Variants in EXT2 observed in about 807,000 individuals in gnomAD.
EXT2 encodes exostosin-2.
In EXT2, 53 loss-of-function variants were observed where a neutral mutation model predicts 81.6. The ratio of observed to expected loss-of-function variants is 0.65; its 90% CI spans 0.52 to 0.82. EXT2 has a LOEUF of 0.82. Ranked by LOEUF, EXT2 falls within the 40% of genes least tolerant of loss-of-function variation. EXT2 has a pLI of 0.00. For missense variants in EXT2, 774 were observed against 910.2 expected, an observed-to-expected ratio of 0.85 and a Z score of 1.93; for synonymous variants, 320 against 340.0, an observed-to-expected ratio of 0.94 and a Z score of 0.65.
intron 7 of EXT2, among the ~76,000 whole-genome samples, chr11:44,152,527 T>C (rs7939191): frequency 0.57 from 86,987 of 151,976 alleles, 25,393 homozygotes; most frequent in Middle Eastern, 0.72. Flanking sequence ...ATCTTTGTAT[T>C]TTTAGTAGAG....
chr11:44,192,409 G>A (rs968472876), intron 8 of EXT2, among the ~76,000 whole-genome samples: 1 of 152,046 alleles, frequency 6.6e-6, no homozygotes, highest in Non-Finnish European at 1.5e-5. Flanking sequence ...GTTTTGAGAG[G>A]AAGGAAAGTG....
intron 10 of EXT2, among the ~76,000 whole-genome samples, chr11:44,223,909 C>T (rs1223033512): frequency 6.6e-6 from 1 of 152,128 alleles, no homozygotes; most frequent in African/African-American, 2.4e-5. Context: ...CCTCGGCCTT[C>T]CAAAGTGCTA....
At position 44,099,176 on chromosome 11, in the gene EXT2, G is replaced by GT. The variant is rs988551348; in HGVS notation, c.-31+3333dup. Among the ~76,000 whole-genome samples, 37 of 150,762 alleles carry GT rather than the reference G, an allele frequency of 2.5e-4. No homozygotes were observed. In the South Asian group the frequency reaches 3.4e-3, roughly 14 times the overall value. ...ACCACCACACCTGGCTAATTTTTGGGTTTTTTTTTGTTTGTTTGTTCGTTT... is the reference window on the plus strand; with the variant it reads ...ACCACCACACCTGGCTAATTTTTGGGTTTTTTTTTTGTTTGTTTGTTCGTTT... On this transcript the variant is annotated intron_variant, in intron 1 of 13. Transcript: ENST00000533608.
intron 10 of EXT2, among the ~76,000 whole-genome samples, chr11:44,221,803 C>T (rs1226228334): frequency 1.3e-5 from 2 of 152,168 alleles, no homozygotes; most frequent in Non-Finnish European, 2.9e-5. Flanking sequence ...TATGAAGCTG[C>T]ACCCATTCAT....
rs12362775 is a variant in EXT2, at chr11:44,095,894, A to G, written c.-31+42A>G. The G allele has an allele frequency of 0.73, 170,620 of 235,268 alleles. 62,257 individuals are homozygous for G. Among genetic ancestry groups the G allele is most frequent in the East Asian group, 0.9 (6,931 of 7,674 alleles). The allele number at this position is 235,268 out of a possible 1,614,324, so 14.6% of individuals were successfully genotyped here. A position where few individuals can be genotyped will look rare whatever the true frequency, so the allele number is the denominator to read the frequency against. ...AGGGCGGCGGCCGGGCGGGCGCTGAAGCGAGGGCTCGGGCCTCCGGGGGCC... is the reference window on the plus strand; with the variant it reads ...AGGGCGGCGGCCGGGCGGGCGCTGAGGCGAGGGCTCGGGCCTCCGGGGGCC... On this transcript the variant is annotated intron_variant, in intron 1 of 13. Coordinates refer to ENST00000533608, the MANE Select transcript of EXT2 (RefSeq NM_207122.2).
intron 5 of EXT2, 61 bp from the exon 6 acceptor site, chr11:44,126,755 A>C: frequency 6.2e-7 from 1 of 1,610,644 alleles, no homozygotes; most frequent in Non-Finnish European, 8.5e-7. Flanking sequence ...GTCTGTAGGG[A>C]TCAAAGTTAG....
At chr11:44,100,480 A>G (rs1369581216) in intron 1 of EXT2, among the ~76,000 whole-genome samples, 1 of 152,230 alleles carries the variant, frequency 6.6e-6, no homozygotes, top group Non-Finnish European at 1.5e-5. Context: ...AGCATTGGCT[A>G]GTATGGTAGC....
chr11:44,205,504 G>A (rs1955571731), intron 9 of EXT2, among the ~76,000 whole-genome samples: 1 of 152,194 alleles, frequency 6.6e-6, no homozygotes, highest in Non-Finnish European at 1.5e-5. Flanking sequence ...ACTTTTTGGA[G>A]CTGACCATTC....
At chr11:44,209,385 ACTG>A (rs1263926743) in intron 10 of EXT2, among the ~76,000 whole-genome samples, 2 of 152,152 alleles carry the variant, frequency 1.3e-5, no homozygotes, top group Non-Finnish European at 2.9e-5. Flanking sequence ...CATTATGACT[ACTG>A]CTATTTTCAT....
intron 7 of EXT2, among the ~76,000 whole-genome samples, chr11:44,131,616 A>G (rs183845928): frequency 6.6e-6 from 1 of 152,340 alleles, no homozygotes; most frequent in Non-Finnish European, 1.5e-5. Context: ...GATTTCATCT[A>G]AGTTTTAGTG....
intron 10 of EXT2, among the ~76,000 whole-genome samples, chr11:44,217,333 A>T (rs959631908): frequency 1.2e-4 from 18 of 152,132 alleles, no homozygotes; most frequent in African/African-American, 4.1e-4. Context: ...AGACATTTGG[A>T]CCGAATACCG....
At chr11:44,121,634 AC>A (rs1391116799) in intron 4 of EXT2, among the ~76,000 whole-genome samples, 1 of 145,738 alleles carries the variant, frequency 6.9e-6, no homozygotes, top group Non-Finnish European at 1.5e-5. Context: ...TCAGACTCTG[AC>A]CCCCTACATT....
chr11:44,176,752 C>G (rs1002763968), intron 8 of EXT2, among the ~76,000 whole-genome samples: 1 of 151,938 alleles, frequency 6.6e-6, no homozygotes. Flanking sequence ...TCTGACATTC[C>G]GAGGTGGGAG....
intron 7 of EXT2, among the ~76,000 whole-genome samples, chr11:44,153,029 G>A (rs1954813258): frequency 2.0e-5 from 3 of 152,084 alleles, no homozygotes; most frequent in Admixed American, 1.3e-4. Context: ...TACAAATTTA[G>A]AATCAGTTTG....
intron 7 of EXT2, among the ~76,000 whole-genome samples, chr11:44,146,361 G>A (rs911555919): frequency 3.3e-5 from 5 of 152,206 alleles, no homozygotes; most frequent in African/African-American, 1.2e-4. Flanking sequence ...TAAAGTATAA[G>A]ACTCAAAGTC....
At chr11:44,121,636 C>T (rs979456916) in intron 4 of EXT2, among the ~76,000 whole-genome samples, 2 of 151,648 alleles carry the variant, frequency 1.3e-5, no homozygotes, top group Non-Finnish European at 2.9e-5. Flanking sequence ...AGACTCTGAC[C>T]CCCTACATTG....
chr11:44,216,149 T>C (rs1955716678), intron 10 of EXT2, among the ~76,000 whole-genome samples: 2 of 152,218 alleles, frequency 1.3e-5, no homozygotes, highest in Non-Finnish European at 1.5e-5. Flanking sequence ...GTGCTGGGAT[T>C]ACAGGCGTGA....
At chr11:44,200,295 C>T (rs1171717822) in intron 9 of EXT2, among the ~76,000 whole-genome samples, 1 of 151,146 alleles carries the variant, frequency 6.6e-6, no homozygotes, top group Non-Finnish European at 1.5e-5. Context: ...ATCTACCCCC[C>T]TTCCCACTTT....
rs2135015105 is a variant in EXT2 at position 44,124,875 on chromosome 11, G to C, written c.830G>C (p.Gly277Ala). Reference sequence around the variant, plus strand: ...CTAGAAGCCCTCCAGGTCAAACATGGAGAGTCAGTGTTAGTACTCGATAAA... The same window carrying C: ...CTAGAAGCCCTCCAGGTCAAACATGCAGAGTCAGTGTTAGTACTCGATAAA... Reference protein sequence around the residue: ...EDLEALQVKHGESVLVLDKCT... With the variant: ...EDLEALQVKHAESVLVLDKCT... Residue 277 changes from glycine to alanine, a missense_variant, in exon 5 of 14, where the codon GGA becomes GCA. Coordinates refer to ENST00000533608, the MANE Select transcript of EXT2 (RefSeq NM_207122.2). 1 of 1,614,092 alleles carries C rather than the reference G, an allele frequency of 6.2e-7. No individual in the cohort carries two copies. Among genetic ancestry groups the C allele is most frequent in the Non-Finnish European group, 8.5e-7 (1 of 1,180,014 alleles).
Sources: gnomAD v4.1 joint callset for allele counts (sites outside exome capture counted in the v4.1 genomes callset) on GRCh38, gnomAD v4.1.1 for gene constraint, MANE v1.5 for transcripts, NCBI Gene and HGNC (gene_info 2026-07-23, HGNC 2026-07-21) for gene names.